The following DSC3 variants were observed in gnomAD, a reference collection of about 807,000 sequenced individuals.
The protein encoded by DSC3 is desmocollin 3, also known as desmocollin-3.
In DSC3, 97 loss-of-function variants were observed where a neutral mutation model predicts 89.5. The observed-to-expected ratio is 1.08, with a 90% confidence interval of 0.92 to 1.28. The LOEUF is 1.28. Ranked by LOEUF, DSC3 falls within the 50% of genes most tolerant of loss-of-function variation. The pLI is 0.00. For synonymous variants in DSC3, 436 were observed against 384.1 expected (o/e 1.14, Z -1.58); for missense variants, 1,199 against 1,085.3 (o/e 1.10, Z -1.47).
chr18:31,027,382 T>C (rs1985632311), intron 4 of DSC3, among the ~76,000 whole-genome samples: 1 of 151,926 alleles, frequency 6.6e-6, no homozygotes. Context: ...AGTTTATGTT[T>C]CTTTCTTTCT....
At chr18:31,022,156 G>A (rs1248878685) in intron 7 of DSC3, among the ~76,000 whole-genome samples, 180 bp downstream of exon 7, 1 of 151,950 alleles carries the variant, frequency 6.6e-6, no homozygotes, top group Non-Finnish European at 1.5e-5. Context: ...AGTCCTTATG[G>A]CTACTCTAAC....
intron 1 of DSC3, among the ~76,000 whole-genome samples, chr18:31,038,731 A>G (rs1462376300): frequency 6.6e-6 from 1 of 152,104 alleles, no homozygotes; most frequent in Non-Finnish European, 1.5e-5. Context: ...GTGTTTTAAT[A>G]AATAATAAAA....
At chr18:31,011,500 G>A (rs1288752009) in intron 9 of DSC3, among the ~76,000 whole-genome samples, 1 of 152,152 alleles carries the variant, frequency 6.6e-6, no homozygotes, top group Non-Finnish European at 1.5e-5. Context: ...ATATAATTCT[G>A]ACTAGCAAGG....
chr18:31,028,052 A>G (rs1985658275), intron 4 of DSC3, among the ~76,000 whole-genome samples: 1 of 152,124 alleles, frequency 6.6e-6, no homozygotes, highest in African/African-American at 2.4e-5. Flanking sequence ...AATATCAATT[A>G]GATAGTTTGG....
At chr18:31,011,791 G>A (rs1266991688) in intron 9 of DSC3, among the ~76,000 whole-genome samples, 4 of 151,806 alleles carry the variant, frequency 2.6e-5, no homozygotes, top group Non-Finnish European at 4.4e-5. Context: ...TCAGGAGTTC[G>A]AGACCAGCCT....
rs779053546 is a variant in DSC3, at chr18:30,994,362, C to T, written c.2504G>A (p.Arg835Gln). The T allele has an allele frequency of 9.3e-6, 15 of 1,613,604 alleles. No individual in the cohort carries two copies. Among genetic ancestry groups the T allele is most frequent in the South Asian group, 6.6e-5 (6 of 90,910 alleles). Residue 835 changes from arginine to glutamine, a missense_variant, in exon 16 of 16, where the codon CGA becomes CAA. By Grantham distance (43) the Arg-to-Gln change is conservative (BLOSUM62 1). Transcript: ENST00000360428. ...TQPRLGEKLH[R>Q]CNQNEDRMPS... Reference sequence around the variant, plus strand: ...CATGCGGTCTTCATTCTGATTACATCGATGCAATTTCTGTAAAATTTTTTA... The same window carrying T: ...CATGCGGTCTTCATTCTGATTACATTGATGCAATTTCTGTAAAATTTTTTA...
At chr18:31,040,457 G>C (rs185610234) in intron 1 of DSC3, among the ~76,000 whole-genome samples, 13 of 152,284 alleles carry the variant, frequency 8.5e-5, no homozygotes, top group African/African-American at 3.1e-4. Flanking sequence ...ACAATAGTGA[G>C]TGAGATGCTC....
chr18:31,001,087 G>A (rs1426846653), intron 14 of DSC3, among the ~76,000 whole-genome samples: 1 of 97,414 alleles, frequency 1.0e-5, no homozygotes, highest in African/African-American at 3.8e-5. Context: ...CTTTGTGTGT[G>A]TGTATATATA....
At chr18:31,002,556 C>T (rs930786171) in intron 13 of DSC3, among the ~76,000 whole-genome samples, 7 of 151,742 alleles carry the variant, frequency 4.6e-5, no homozygotes, top group African/African-American at 1.2e-4. Context: ...CAAAATTAGC[C>T]GGGCACAGTG....
intron 9 of DSC3, among the ~76,000 whole-genome samples, chr18:31,011,842 A>T (rs1174957618): frequency 1.3e-5 from 2 of 151,784 alleles, no homozygotes; most frequent in East Asian, 3.9e-4. Flanking sequence ...AAATACAAAA[A>T]ATTAGCCGGG....
chr18:30,995,996 A>AAAAAAAAAAAAAAAAAAAAGAAAG (rs1555631968), intron 15 of DSC3, among the ~76,000 whole-genome samples: 5 of 136,410 alleles, frequency 3.7e-5, no homozygotes, highest in African/African-American at 1.2e-4. Context: ...AAAAAAAAAA[A>AAAAAAAAAAAAAAAAAAAAGAAAG]AAAGAAAAGA....
intron 2 of DSC3, 114 bp from the exon 3 acceptor site, chr18:31,031,286 C>T: frequency 1.4e-6 from 1 of 720,848 alleles, no homozygotes; most frequent in Non-Finnish European, 2.3e-6. Flanking sequence ...ATAAGCCAAT[C>T]ACTTTGCATT....
intron 1 of DSC3, among the ~76,000 whole-genome samples, chr18:31,042,270 T>C (rs1406092522): frequency 6.6e-6 from 1 of 152,098 alleles, no homozygotes; most frequent in Non-Finnish European, 1.5e-5. Context: ...CTCCACCACC[T>C]GGGGAGAAGC....
Position 31,025,818 on chromosome 18 carries a change from T to C in DSC3, c.572A>G (p.Asp191Gly). ...CCGAGTGCAAAATAGATTTCCAGTG[T>C]CTCTTTCTATATAAAACAAATTTAA... is the stretch of plus-strand genomic sequence containing the variant. ...EPLNLFYIERDTGNLFCTRPV... is the reference protein window; with the variant it reads ...EPLNLFYIERGTGNLFCTRPV... The change falls in exon 5 of 16, where the codon GAC becomes GGC. Residue 191 changes from aspartate to glycine, a missense_variant. Transcript: ENST00000360428. 24 of 1,613,302 alleles carry C rather than the reference T, an allele frequency of 1.5e-5. No homozygotes were observed. Among genetic ancestry groups the C allele is most frequent in the Non-Finnish European group, 2.0e-5 (24 of 1,179,470 alleles).
At chr18:31,029,711 C>T (rs1367239339) in intron 3 of DSC3, 83 bp from the exon 4 acceptor site, 2 of 1,561,776 alleles carry the variant, frequency 1.3e-6, no homozygotes, top group African/African-American at 1.4e-5. Context: ...GCTCATAAAC[C>T]TAATCCTTCT....
At chr18:31,015,758 T>C (rs1362113185) in intron 9 of DSC3, among the ~76,000 whole-genome samples, 2 of 152,138 alleles carry the variant, frequency 1.3e-5, no homozygotes, top group East Asian at 1.9e-4. Flanking sequence ...GAAGCTACTG[T>C]AGTTATATTG....
In DSC3 at chr18:31,022,368, T is replaced by G; in HGVS notation, c.910A>C (p.Ile304Leu). The stretch of plus-strand genomic sequence containing the variant: ...TCCAAATAATGAGAGACTGTGGTGA[T>G]TACGCCTGTGCTGGGATGCACAGAA... ...LFSVHPSTGV[I>L]TTVSHYLDRE... The change falls in exon 7 of 16, where the codon ATC becomes CTC. Residue 304 changes from isoleucine to leucine, a missense_variant. Ile to Leu is a conservative substitution (Grantham distance 5). Transcript: ENST00000360428. 6.2e-7 allele frequency: 1 copy of G among 1,614,016 alleles called. No homozygotes were observed. Among genetic ancestry groups the G allele is most frequent in the Non-Finnish European group, 8.5e-7 (1 of 1,179,944 alleles).
intron 14 of DSC3, among the ~76,000 whole-genome samples, 175 bp from the exon 15 acceptor site, chr18:30,997,223 G>T (rs916286784): frequency 6.6e-5 from 10 of 152,130 alleles, no homozygotes; most frequent in African/African-American, 2.4e-4. Context: ...CATTCATTTT[G>T]TGCTGCTATA....
At chr18:31,019,961 G>A (rs1324339856) in intron 7 of DSC3, among the ~76,000 whole-genome samples, 1 of 152,052 alleles carries the variant, frequency 6.6e-6, no homozygotes, top group Non-Finnish European at 1.5e-5. Context: ...TGTCCCACTT[G>A]GAGAGATAGG....
Sources: gnomAD v4.1 joint callset for allele counts (sites outside exome capture counted in the v4.1 genomes callset) on GRCh38, gnomAD v4.1.1 for gene constraint, MANE v1.5 for transcripts, NCBI Gene and HGNC (gene_info 2026-07-23, HGNC 2026-07-21) for gene names.